Variants in PDE7A observed in about 807,000 individuals in gnomAD.
The protein encoded by PDE7A is phosphodiesterase 7A.
Under a neutral mutation model 64.3 loss-of-function variants are expected in PDE7A, and 39 were observed. The observed-to-expected ratio is 0.61, with a 90% confidence interval of 0.47 to 0.79. The LOEUF (loss-of-function observed/expected upper bound fraction) is 0.79. PDE7A is among the 30% of genes least tolerant of loss of function. The pLI is 0.00. For missense variants in PDE7A, 470 were observed against 582.8 expected, an observed-to-expected ratio of 0.81 and a Z score of 1.99; for synonymous variants, 203 against 206.8, an observed-to-expected ratio of 0.98 and a Z score of 0.16.
chr8:65,747,942 G>C (rs1807758049), intron 3 of PDE7A, 139 bp from the exon 4 acceptor site: 2 of 485,382 alleles, frequency 4.1e-6, no homozygotes, highest in Admixed American at 3.9e-5. Flanking sequence ...TGAAAGAAGT[G>C]ATACTTTATT....
chr8:65,814,348 A>T (rs916661063), intron 1 of PDE7A, among the ~76,000 whole-genome samples: 29 of 151,044 alleles, frequency 1.9e-4, no homozygotes, highest in African/African-American at 6.6e-4. Flanking sequence ...CGTCTCTACT[A>T]AAAATACAAA....
intron 1 of PDE7A, among the ~76,000 whole-genome samples, chr8:65,784,726 A>T (rs1408312167): frequency 6.6e-6 from 1 of 151,750 alleles, no homozygotes; most frequent in Admixed American, 6.6e-5. Context: ...CTATCCTCCC[A>T]CCAAAAAAAA....
intron 3 of PDE7A, among the ~76,000 whole-genome samples, chr8:65,752,629 G>A (rs1220389333): frequency 6.6e-6 from 1 of 152,066 alleles, no homozygotes; most frequent in Non-Finnish European, 1.5e-5. Flanking sequence ...ATATCTCATT[G>A]TTAACCATTC....
rs1322994412 is a variant in PDE7A at position 65,811,012 on chromosome 8, A to T, written c.139-28169T>A. Among the ~76,000 whole-genome samples, 4 of 152,314 alleles carry T rather than the reference A, an allele frequency of 2.6e-5. No individual in the cohort carries two copies. In the East Asian group the frequency reaches 7.7e-4, roughly 29 times the overall value. On this transcript the variant is annotated intron_variant, in intron 1 of 12. Coordinates refer to ENST00000401827, the MANE Select transcript of PDE7A (RefSeq NM_001242318.3). Reference sequence around the variant, plus strand: ...TATATCTGCAACCAAATAAAAGTAAATCTGGGTGTAAACAACAAAAATTGT... The same window carrying T: ...TATATCTGCAACCAAATAAAAGTAATTCTGGGTGTAAACAACAAAAATTGT...
At chr8:65,759,386 C>T (rs1256874071) in intron 3 of PDE7A, among the ~76,000 whole-genome samples, 1 of 152,208 alleles carries the variant, frequency 6.6e-6, no homozygotes, top group East Asian at 1.9e-4. Context: ...CAGGGATCCG[C>T]CAGAATGACG....
intron 3 of PDE7A, among the ~76,000 whole-genome samples, chr8:65,760,697 C>T (rs1249014909): frequency 2.0e-5 from 3 of 152,218 alleles, no homozygotes; most frequent in African/African-American, 7.2e-5. Context: ...CACACCCCCA[C>T]TCCCCTCATC....
At chr8:65,719,730 T>C in intron 12 of PDE7A, 1 of 530,732 alleles carries the variant, frequency 1.9e-6, no homozygotes, top group Non-Finnish European at 3.4e-6. Context: ...CTGACAAATA[T>C]ATCTAACCTT....
chr8:65,731,737 T>C (rs1229012520), intron 7 of PDE7A: 6 of 152,208 alleles, frequency 3.9e-5, no homozygotes, highest in Admixed American at 1.3e-4. Context: ...AAATATTTTT[T>C]TTTCCACATA....
chr8:65,829,253 T>C (rs973688705), intron 1 of PDE7A, among the ~76,000 whole-genome samples: 13 of 152,288 alleles, frequency 8.5e-5, no homozygotes, highest in African/African-American at 3.1e-4. Flanking sequence ...GTAAGATATG[T>C]CTTTCTTTAT....
At chr8:65,803,309 T>C (rs1253609301) in intron 1 of PDE7A, among the ~76,000 whole-genome samples, 2 of 152,196 alleles carry the variant, frequency 1.3e-5, no homozygotes, top group African/African-American at 4.8e-5. Flanking sequence ...CTTCTCTAAG[T>C]TACAGCAACA....
rs1809359529 is a variant in PDE7A, at chr8:65,779,743, T to C, written c.260A>G (p.Tyr87Cys). Reference protein sequence around the residue: ...FESERRGSHPYIDFRIFHSQS... With the variant: ...FESERRGSHPCIDFRIFHSQS... ...ACAGTGGAAAATACGAAAATCAATA[T>C]ATGGGTGAGAACCTCTTCTTTCTGA... Residue 87 changes from tyrosine (Y) to cysteine (C), a missense_variant, in exon 3 of 13, where the codon TAT becomes TGT. Transcript: ENST00000401827. 1.3e-6 allele frequency: 2 copies of C among 1,587,606 alleles called. No individual in the cohort carries two copies. Among genetic ancestry groups the C allele is most frequent in the Non-Finnish European group, 1.7e-6 (2 of 1,161,712 alleles).
intron 1 of PDE7A, among the ~76,000 whole-genome samples, chr8:65,792,737 A>C (rs1809734811): frequency 6.6e-6 from 1 of 152,236 alleles, no homozygotes. Flanking sequence ...ATAACAAGTA[A>C]TAAATCAGAG....
chr8:65,773,437 TCTG>T lies in PDE7A; in HGVS notation c.283+6280_283+6282del, dbSNP rs1472398846. ...CAGCATGATGAGATCGAGAGGATAA[TCTG>T]CTGCTCTTAACACTGAGCTGCCTCC... On this transcript the variant is annotated intron_variant, in intron 3 of 12. Coordinates refer to ENST00000401827, the MANE Select transcript of PDE7A (RefSeq NM_001242318.3). Among the ~76,000 whole-genome samples the T allele has an allele frequency of 2.0e-5, 3 of 152,194 alleles. No homozygotes were observed. In the East Asian group the frequency reaches 5.8e-4, roughly 29 times the overall value.
At chr8:65,777,309 C>A (rs1024260969) in intron 3 of PDE7A, among the ~76,000 whole-genome samples, 2 of 151,940 alleles carry the variant, frequency 1.3e-5, no homozygotes, top group Non-Finnish European at 2.9e-5. Context: ...GAACTCCCGA[C>A]CTCAGATGAT....
chr8:65,754,697 TG>T (rs1173250823), intron 3 of PDE7A, among the ~76,000 whole-genome samples: 14 of 147,222 alleles, frequency 9.5e-5, no homozygotes, highest in Non-Finnish European at 1.9e-4. Context: ...CTGGGCACAG[TG>T]GCTCACGCCT....
chr8:65,729,465 AAAG>A (rs898423006), intron 7 of PDE7A, among the ~76,000 whole-genome samples: 3 of 150,786 alleles, frequency 2.0e-5, no homozygotes, highest in Non-Finnish European at 4.4e-5. Context: ...TGCTGAGGGT[AAAG>A]AGGAGGTGGC....
chr8:65,751,655 G>A (rs550454206), intron 3 of PDE7A, among the ~76,000 whole-genome samples: 32 of 152,212 alleles, frequency 2.1e-4, no homozygotes, highest in African/African-American at 7.5e-4. Context: ...ACCACACCCA[G>A]CTAATTTTGT....
At chr8:65,739,738 C>A (rs1263871529) in intron 5 of PDE7A, 141 bp from the exon 6 acceptor site, 1 of 916,304 alleles carries the variant, frequency 1.1e-6, no homozygotes, top group Non-Finnish European at 1.4e-6. Flanking sequence ...TATGCATCTT[C>A]TTACCAGTTA....
chr8:65,723,540 C>T lies in PDE7A; in HGVS notation c.1243+1G>A. 1 of 1,555,018 alleles carries T rather than the reference C, an allele frequency of 6.4e-7. No individual in the cohort carries two copies. Among genetic ancestry groups the T allele is most frequent in the Non-Finnish European group, 8.7e-7 (1 of 1,152,698 alleles). On this transcript the variant is annotated splice_donor_variant, in intron 12 of 12. Coordinates refer to ENST00000401827, the MANE Select transcript of PDE7A (RefSeq NM_001242318.3). LOFTEE classifies it high-confidence loss of function. ...AGCTATATCTAAATATGTATAGTTA[C>T]CAATCTGGATGTTGGCAATAGATTC...
Sources: allele counts gnomAD v4.1 joint callset (sites outside exome capture counted in the v4.1 genomes callset), GRCh38; gene constraint gnomAD v4.1.1; transcripts MANE v1.5; gene names NCBI Gene and HGNC (gene_info 2026-07-23, HGNC 2026-07-21).